PRPF3: variants seen among roughly 807,000 people sequenced by gnomAD.
The protein encoded by PRPF3 is pre-mRNA processing factor 3.
PRPF3 carries 3 observed loss-of-function variants against 89.2 expected under a neutral mutation model. The observed-to-expected ratio is 0.03, with a 90% CI of 0.02 to 0.09. PRPF3 has a LOEUF of 0.09. PRPF3 is among the 10% of genes least tolerant of loss of function. PRPF3 has a pLI of 1.00. For missense variants in PRPF3, 463 were observed against 828.8 expected (o/e 0.56, Z 5.42); for synonymous variants, 270 against 289.1 (o/e 0.93, Z 0.67).
rs1553866946 is a variant in PRPF3, at chr1:150,335,142, C to T, written c.936C>T (p.Asp312=). Residue 312 remains aspartate, a synonymous_variant, in exon 7 of 16, where the codon GAC becomes GAT. Coordinates refer to ENST00000324862, the MANE Select transcript of PRPF3 (RefSeq NM_004698.4). The part of the protein sequence containing the change: ...SEDMESNTFF[D]PRVSIAPSQR... ...ACATGGAATCCAATACCTTTTTTGACCCCCGAGTCTCCATTGCCCCTTCCC... is the reference window on the plus strand; with the variant it reads ...ACATGGAATCCAATACCTTTTTTGATCCCCGAGTCTCCATTGCCCCTTCCC... The T allele has an allele frequency of 2.5e-6, 4 of 1,613,960 alleles. No individual in the cohort carries two copies. Among genetic ancestry groups the T allele is most frequent in the East Asian group, 4.5e-5 (2 of 44,860 alleles).
At chr1:150,345,773 T>TA in intron 12 of PRPF3, 1 of 506,112 alleles carries the variant, frequency 2.0e-6, no homozygotes. Flanking sequence ...CCCTGACTCT[T>TA]AGAGTAAACT....
chr1:150,329,154 G>A (rs142290831), intron 4 of PRPF3, among the ~76,000 whole-genome samples: 3 of 150,512 alleles, frequency 2.0e-5, no homozygotes, highest in East Asian at 2.0e-4. Context: ...CTAAGCCTCC[G>A]GAGTAGCTGG....
rs1361022143 is a variant in PRPF3 at position 150,325,893 on chromosome 1, T to C, written c.276+12T>C. On this transcript the variant is annotated intron_variant, in intron 3 of 15. Coordinates refer to ENST00000324862, the MANE Select transcript of PRPF3 (RefSeq NM_004698.4). ...AACGAGAGCTAAAGGTAGGTTACAA[T>C]TTACTGTCTAATGAGCTCAGGACTG... is the stretch of plus-strand genomic sequence containing the variant. 19 of 1,611,536 alleles carry C rather than the reference T, an allele frequency of 1.2e-5. No homozygotes were observed. In the African/African-American group the frequency reaches 1.5e-4, roughly 12 times the overall value.
intron 14 of PRPF3, 115 bp downstream of exon 14, chr1:150,346,606 C>A: frequency 9.2e-7 from 1 of 1,087,462 alleles, no homozygotes; most frequent in Non-Finnish European, 1.4e-6. Context: ...AGATAGTGTT[C>A]AGGAATTTTA....
rs370145502 is a variant in PRPF3 at position 150,333,148 on chromosome 1, A to G, written c.677A>G (p.Asn226Ser). The G allele has an allele frequency of 1.2e-5, 20 of 1,614,136 alleles. No individual in the cohort carries two copies. Among genetic ancestry groups the G allele is most frequent in the Middle Eastern group, 3.3e-4 (2 of 6,084 alleles). Residue 226 changes from asparagine to serine, a missense_variant, in exon 6 of 16, where the codon AAT becomes AGT. By Grantham distance (46) the Asn-to-Ser change is conservative. Coordinates refer to ENST00000324862, the MANE Select transcript of PRPF3 (RefSeq NM_004698.4). The part of the protein sequence containing the change: ...QLALKPGLIG[N>S]ANMVGLANLH... ...GCACTGAAGCCAGGACTCATCGGCA[A>G]TGCCAACATGGTGGGCCTGGCTAAT...
At chr1:150,332,884 A>G (rs1656568330) in intron 5 of PRPF3, 95 bp from the exon 6 acceptor site, 1 of 1,485,460 alleles carries the variant, frequency 6.7e-7, no homozygotes, top group Non-Finnish European at 9.4e-7. Context: ...ATCATCTGCT[A>G]CAGTCTACCA....
intron 9 of PRPF3, 46 bp downstream of exon 9, chr1:150,340,523 A>AT: frequency 7.0e-7 from 1 of 1,426,208 alleles, no homozygotes; most frequent in Non-Finnish European, 9.9e-7. Flanking sequence ...AGCATTACCC[A>AT]TTGGAAATTT....
In PRPF3 at chr1:150,353,122, G is replaced by A; in HGVS notation, c.*143G>A. ...CACTGGGACAAAGGGAGAATATCTT[G>A]CTCCCCTCCTGAGTCAGCCTGGTGT... is the stretch of plus-strand genomic sequence containing the variant. On this transcript the variant is annotated 3_prime_UTR_variant, in exon 16 of 16. Transcript: ENST00000324862. The A allele has an allele frequency of 9.0e-7, 1 of 1,105,406 alleles. No individual in the cohort carries two copies. Among genetic ancestry groups the A allele is most frequent in the Non-Finnish European group, 1.4e-6 (1 of 725,262 alleles). The allele number at this position is 1,105,406 out of a possible 1,614,324, so 68.5% of individuals were successfully genotyped here.
chr1:150,325,874 A>G lies in PRPF3; in HGVS notation c.269A>G (p.Glu90Gly). 1 of 1,612,988 alleles carries G rather than the reference A, an allele frequency of 6.2e-7. No individual in the cohort carries two copies. The highest frequency in any genetic ancestry group is 8.5e-7 in the Non-Finnish European group (1 of 1,179,220). Residue 90 changes from glutamate (E) to glycine (G), a missense_variant, in exon 3 of 16, where the codon GAG becomes GGG. Coordinates refer to ENST00000324862, the MANE Select transcript of PRPF3 (RefSeq NM_004698.4). Reference sequence around the variant, plus strand: ...AGCAGTGACAGGAGCAGAAAACGAGAGCTAAAGGTAGGTTACAATTTACTG... The same window carrying G: ...AGCAGTGACAGGAGCAGAAAACGAGGGCTAAAGGTAGGTTACAATTTACTG... ...KSSSDRSRKR[E>G]LKEVFGDDSE...
rs1553870070 is a variant in PRPF3 at position 150,340,493 on chromosome 1, C to T, written c.1282+16C>T. On this transcript the variant is annotated intron_variant, in intron 9 of 15. Transcript: ENST00000324862. ...AATCCTCCAGGTAATGTATAGATTC[C>T]TGAATCAAGTCTCTAGAGCAGCATT... The T allele has an allele frequency of 1.9e-6, 3 of 1,559,830 alleles. No individual in the cohort carries two copies. Among genetic ancestry groups the T allele is most frequent in the South Asian group, 2.2e-5 (2 of 89,924 alleles).
chr1:150,322,729 A>G (rs1279235105), intron 1 of PRPF3, among the ~76,000 whole-genome samples: 1 of 152,232 alleles, frequency 6.6e-6, no homozygotes, highest in African/African-American at 2.4e-5. Context: ...CCAAGAATGT[A>G]GAAGTTAATC....
chr1:150,351,753 T>A (rs1553874437), intron 15 of PRPF3, among the ~76,000 whole-genome samples: 1 of 145,228 alleles, frequency 6.9e-6, no homozygotes, highest in Admixed American at 7.2e-5. Flanking sequence ...TGAGTGATCC[T>A]CCCACCTCAG....
chr1:150,342,996 T>C (rs1476286776), intron 9 of PRPF3, among the ~76,000 whole-genome samples: 1 of 152,116 alleles, frequency 6.6e-6, no homozygotes, highest in Non-Finnish European at 1.5e-5. Flanking sequence ...ATATTGATAT[T>C]TACCTAGGTT....
At chr1:150,343,265 ATG>A (rs1657969651) in intron 9 of PRPF3, 42 bp from the exon 10 acceptor site, 13 of 1,335,784 alleles carry the variant, frequency 9.7e-6, no homozygotes, top group Non-Finnish European at 1.3e-5. Context: ...ATATATATAT[ATG>A]TATTCTTACT....
At position 150,338,310 on chromosome 1, in the gene PRPF3, C is replaced by T. The variant is rs1553868820; in HGVS notation, c.1186C>T (p.Pro396Ser). The T allele has an allele frequency of 1.2e-6, 2 of 1,613,786 alleles. No homozygotes were observed. The highest frequency in any genetic ancestry group is 1.7e-6 in the Non-Finnish European group (2 of 1,179,976). The stretch of plus-strand genomic sequence containing the variant: ...TGAGTGGTGGGACTCTTACATAATC[C>T]CCAATGGCTTTGATCTGTGAGTTTG... ...EIEWWDSYIIPNGFDLTEENP... is the reference protein window; with the variant it reads ...EIEWWDSYIISNGFDLTEENP... The change falls in exon 8 of 16, where the codon CCC becomes TCC. Residue 396 changes from proline to serine, a missense_variant. Pro to Ser is a moderately conservative substitution (Grantham distance 74). Transcript: ENST00000324862.
chr1:150,349,038 A>G, intron 14 of PRPF3, 119 bp from the exon 15 acceptor site: 1 of 853,026 alleles, frequency 1.2e-6, no homozygotes, highest in South Asian at 1.4e-5. Flanking sequence ...AGAAAAGAGA[A>G]CACTTGGTCC....
intron 4 of PRPF3, 96 bp from the exon 5 acceptor site, chr1:150,332,588 G>A (rs1288033083): frequency 1.7e-6 from 2 of 1,163,394 alleles, no homozygotes; most frequent in African/African-American, 1.5e-5. Context: ...AACATTTTAA[G>A]TGTCTAGACC....
intron 12 of PRPF3, among the ~76,000 whole-genome samples, chr1:150,345,276 C>T (rs1294384288): frequency 6.6e-6 from 1 of 151,988 alleles, no homozygotes; most frequent in African/African-American, 2.4e-5. Flanking sequence ...TAGGTAATTG[C>T]TATTAACAGT....
In PRPF3 at chr1:150,349,254, G is replaced by T. The variant is rs1553873807; in HGVS notation, c.1905+36G>T. 4 of 1,462,204 alleles carry T rather than the reference G, an allele frequency of 2.7e-6. No individual in the cohort carries two copies. In the African/African-American group the frequency reaches 5.6e-5, roughly 20 times the overall value. The allele number at this position is 1,462,204 out of a possible 1,614,324, so 90.6% of individuals were successfully genotyped here. ...CTTTGTAAAACATTGTAAAACTTTA[G>T]CCAACTCCTGAATATTTATACTATT... On this transcript the variant is annotated intron_variant, in intron 15 of 15. Transcript: ENST00000324862.
Sources: allele counts gnomAD v4.1 joint callset (sites outside exome capture counted in the v4.1 genomes callset), GRCh38; gene constraint gnomAD v4.1.1; transcripts MANE v1.5; gene names NCBI Gene and HGNC (gene_info 2026-07-23, HGNC 2026-07-21).